Variants in VAV2 observed in about 807,000 individuals in gnomAD.
The protein encoded by VAV2 is vav guanine nucleotide exchange factor 2.
In VAV2, 67 loss-of-function variants were observed where a neutral mutation model predicts 132.5. The observed-to-expected ratio is 0.51, with a 90% CI of 0.42 to 0.62. VAV2 has a LOEUF of 0.62. Ranked by LOEUF, VAV2 falls within the 20% of genes least tolerant of loss-of-function variation. VAV2 has a pLI of 0.00. For missense variants in VAV2, 938 were observed against 1,153.6 expected (o/e 0.81, Z 2.71); for synonymous variants, 492 against 443.5 (o/e 1.11, Z -1.37).
rs776041142 is a variant in VAV2, at chr9:133,778,934, C to T, written c.1763-45G>A. The T allele has an allele frequency of 6.3e-6, 10 of 1,598,852 alleles. No individual in the cohort carries two copies. The East Asian group carries it at 6.7e-5, about 11-fold the overall frequency. ...TCACTCAGTGACTCAGCAGCTCACT[C>T]GGTGACTGACTTGGCCCCGGCCCGC... On this transcript the variant is annotated intron_variant, in intron 21 of 29. Coordinates refer to ENST00000371850, the MANE Select transcript of VAV2 (RefSeq NM_001134398.2).
intron 1 of VAV2, among the ~76,000 whole-genome samples, chr9:133,966,305 T>C (rs1047616438): frequency 3.9e-5 from 6 of 152,180 alleles, no homozygotes; most frequent in African/African-American, 1.4e-4. Flanking sequence ...GCTAAACGCC[T>C]CCACACAGCA....
intron 4 of VAV2, among the ~76,000 whole-genome samples, chr9:133,813,512 G>A (rs1835438317): frequency 6.6e-6 from 1 of 152,230 alleles, no homozygotes; most frequent in South Asian, 2.1e-4. Flanking sequence ...ATTCGAGGAA[G>A]GCCCTCAGCA....
At chr9:133,785,156 A>G (rs1041735842) in intron 17 of VAV2, among the ~76,000 whole-genome samples, 3 of 152,104 alleles carry the variant, frequency 2.0e-5, no homozygotes, top group Non-Finnish European at 2.9e-5. Context: ...GCCAGAACAC[A>G]GGCCTTCCCC....
At chr9:133,916,341 C>T (rs1840090087) in intron 2 of VAV2, among the ~76,000 whole-genome samples, 1 of 152,252 alleles carries the variant, frequency 6.6e-6, no homozygotes, top group African/African-American at 2.4e-5. Flanking sequence ...TGCTAACTGA[C>T]AGTGATTCAC....
chr9:133,790,999 TG>T (rs1472929979), intron 13 of VAV2, among the ~76,000 whole-genome samples: 2 of 152,242 alleles, frequency 1.3e-5, no homozygotes, highest in African/African-American at 4.8e-5. Flanking sequence ...GGGGTGCTAC[TG>T]GTGTCTGGTG....
At chr9:133,846,209 G>A (rs1458569809) in intron 3 of VAV2, among the ~76,000 whole-genome samples, 1 of 152,190 alleles carries the variant, frequency 6.6e-6, no homozygotes, top group Admixed American at 6.5e-5. Context: ...TGGGCTGGGA[G>A]CCAGGACCTC....
At chr9:133,851,553 T>C (rs1175591955) in intron 3 of VAV2, among the ~76,000 whole-genome samples, 2 of 152,240 alleles carry the variant, frequency 1.3e-5, no homozygotes, top group Admixed American at 6.5e-5. Flanking sequence ...TGGGAGCAGA[T>C]GGGTCCTAAC....
intron 3 of VAV2, among the ~76,000 whole-genome samples, chr9:133,854,856 C>T (rs1351228127): frequency 2.6e-5 from 4 of 152,218 alleles, no homozygotes; most frequent in Non-Finnish European, 4.4e-5. Context: ...CATCCTGTCC[C>T]CTCACAGCAG....
At chr9:133,806,635 G>A (rs542415756) in intron 8 of VAV2, among the ~76,000 whole-genome samples, 2 of 152,302 alleles carry the variant, frequency 1.3e-5, no homozygotes, top group African/African-American at 4.8e-5. Context: ...CAGACTATAG[G>A]AAGCTCTGGG....
chr9:133,917,441 CTTTT>C (rs56141918), intron 2 of VAV2, among the ~76,000 whole-genome samples: 1 of 132,600 alleles, frequency 7.5e-6, no homozygotes, highest in Non-Finnish European at 1.5e-5. Context: ...AAAACTCTTT[CTTTT>C]TTTTTTTTTT....
At chr9:133,927,411 C>G (rs538287) in intron 2 of VAV2, among the ~76,000 whole-genome samples, 4 of 152,060 alleles carry the variant, frequency 2.6e-5, no homozygotes, top group Admixed American at 6.5e-5. Context: ...AGGCCACCCA[C>G]GGTCAGAGAA....
intron 2 of VAV2, among the ~76,000 whole-genome samples, chr9:133,905,121 C>T (rs1157816442): frequency 6.6e-6 from 1 of 152,226 alleles, no homozygotes; most frequent in Admixed American, 6.5e-5. Context: ...CCACACTTCA[C>T]AGCACCACAG....
intron 1 of VAV2, among the ~76,000 whole-genome samples, chr9:133,946,304 A>G (rs1841357365): frequency 6.6e-6 from 1 of 152,238 alleles, no homozygotes; most frequent in East Asian, 1.9e-4. Flanking sequence ...TCATGGCCAG[A>G]GCAGCCCAGC....
chr9:133,930,381 G>GCTGCCTTCTGGCCTCCACC lies in VAV2; in HGVS notation c.321+8721_321+8722insGGTGGAGGCCAGAAGGCAG, dbSNP rs1564474131. On this transcript the variant is annotated intron_variant, in intron 2 of 29. Transcript: ENST00000371850. ...TCTTCACTACCCTCCCTGCCTCCTT[G>GCTGCCTTCTGGCCTCCACC]CTGCCTCCTGGCCTCCACACTGGCT... 8.1e-5 allele frequency among the ~76,000 whole-genome samples: 12 copies of GCTGCCTTCTGGCCTCCACC among 148,432 alleles called. No homozygotes were observed. The East Asian group carries it at 2.2e-3, about 27-fold the overall frequency.
At chr9:133,789,139 C>T (rs1834350752) in intron 14 of VAV2, 119 bp downstream of exon 14, 7 of 1,094,934 alleles carry the variant, frequency 6.4e-6, no homozygotes, top group Non-Finnish European at 8.0e-6. Flanking sequence ...AAAGCCACCG[C>T]CAGGCAGCTC....
chr9:133,968,683 C>T (rs1327486947), intron 1 of VAV2, among the ~76,000 whole-genome samples: 9 of 152,286 alleles, frequency 5.9e-5, no homozygotes, highest in Middle Eastern at 3.4e-3. Context: ...GCCTTGTAGC[C>T]GGGAGAGAGA....
chr9:133,933,877 G>GAAT (rs1284909007), intron 2 of VAV2, among the ~76,000 whole-genome samples: 7 of 148,508 alleles, frequency 4.7e-5, no homozygotes, highest in South Asian at 2.2e-4. Context: ...ATGGATGGAT[G>GAAT]GATGAATGAT....
In VAV2 at chr9:133,769,581, G is replaced by A. The variant is rs925160453; in HGVS notation, c.2348-78C>T. The A allele has an allele frequency of 1.1e-4, 151 of 1,425,318 alleles. No homozygotes were observed. Among genetic ancestry groups the A allele is most frequent in the Non-Finnish European group, 1.3e-4 (138 of 1,041,674 alleles). 88.3% of individuals were successfully genotyped at this position (1,425,318 alleles called of 1,614,324 possible). On this transcript the variant is annotated intron_variant, in intron 27 of 29. Transcript: ENST00000371850. This position sits in a 1 kb window ranked among gnomAD's most constrained non-coding sequence, Gnocchi z 8.1. ...GTCACGGTGGGCACAGCTACAGGCC[G>A]GGGGGCATGGGGTGGGGCAGGCCCT... is the stretch of plus-strand genomic sequence containing the variant.
chr9:133,791,821 T>G lies in VAV2; in HGVS notation c.1150A>C (p.Arg384=), dbSNP rs946182867. ...NEVKRDKETL[R]KISEFQSSIE... ...GAACTCTGAAATTCGCTGATTTTCC[T>G]CAAGGTCTCCTTGTCCCGTTTAACT... The change falls in exon 13 of 30, where the codon AGG becomes CGG. Residue 384 remains arginine, a synonymous_variant. Transcript: ENST00000371850. 1 of 1,614,066 alleles carries G rather than the reference T, an allele frequency of 6.2e-7. No homozygotes were observed. The highest frequency in any genetic ancestry group is 1.3e-5 in the African/African-American group (1 of 74,926).
Sources: gnomAD v4.1 joint callset for allele counts (sites outside exome capture counted in the v4.1 genomes callset) on GRCh38, gnomAD v4.1.1 for gene constraint, Gnocchi (gnomAD v3.1) non-coding constraint, MANE v1.5 for transcripts, NCBI Gene and HGNC (gene_info 2026-07-23, HGNC 2026-07-21) for gene names.